Variants in RHOD observed in about 807,000 individuals in gnomAD.
The protein encoded by RHOD is ras homolog family member D.
A neutral mutation model predicts 16.7 loss-of-function variants in RHOD; 11 were observed. That is an observed-to-expected ratio of 0.66 (90% confidence interval 0.41 to 1.09). The LOEUF (loss-of-function observed/expected upper bound fraction) is 1.09, where lower values mean the gene tolerates loss of function less well. Ranked by LOEUF, RHOD falls within the 50% of genes least tolerant of loss-of-function variation. The pLI, the probability that RHOD is intolerant of heterozygous loss-of-function variation, is 0.00. For synonymous variants in RHOD, 124 were observed against 126.3 expected (o/e 0.98, Z 0.12); for missense variants, 271 against 291.7 (o/e 0.93, Z 0.52).
At chr11:67,058,750 C>T (rs1565350210) in intron 1 of RHOD, among the ~76,000 whole-genome samples, 1 of 152,256 alleles carries the variant, frequency 6.6e-6, no homozygotes. Flanking sequence ...ATCTGTCTGC[C>T]TGTCTCCCAC....
At position 67,066,746 on chromosome 11, in the gene RHOD, G is replaced by A. The variant is rs1354842853; in HGVS notation, c.229G>A (p.Asp77Asn). ...ACCTCCACTCTGCCCAGGGCAAGAT[G>A]ACTATGACCGCCTGCGGCCCCTGTT... is the stretch of plus-strand genomic sequence containing the variant. ...LHIWDTAGQD[D>N]YDRLRPLFYP... Residue 77 changes from aspartate to asparagine, a missense_variant, in exon 3 of 5, where the codon GAC becomes AAC. Coordinates refer to ENST00000308831, the MANE Select transcript of RHOD (RefSeq NM_014578.4). 1 of 1,611,658 alleles carries A rather than the reference G, an allele frequency of 6.2e-7. No homozygotes were observed. Among genetic ancestry groups the A allele is most frequent in the Admixed American group, 1.7e-5 (1 of 60,022 alleles).
At chr11:67,066,982 A>G (rs1854966952) in intron 3 of RHOD, 135 bp downstream of exon 3, 3 of 685,930 alleles carry the variant, frequency 4.4e-6, no homozygotes, top group East Asian at 2.7e-5. Flanking sequence ...TGGTGTATAT[A>G]TGGGGAAACT....
At chr11:67,071,342 C>G in intron 4 of RHOD, 93 bp from the exon 5 acceptor site, 1 of 1,316,328 alleles carries the variant, frequency 7.6e-7, no homozygotes, top group Non-Finnish European at 1.0e-6. Context: ...CTCCGCAGAC[C>G]CCACCTTCCA....
Position 67,058,188 on chromosome 11 carries a change from T to C in RHOD, c.132+1154T>C, listed in dbSNP as rs192066233. Among the ~76,000 whole-genome samples, 663 of 152,136 alleles carry C rather than the reference T, an allele frequency of 4.4e-3. 6 individuals are homozygous for C. The highest frequency in any genetic ancestry group is 0.015 in the African/African-American group (630 of 41,510). ...TTTTTAAAATTATTTTATTTTATTT[T>C]ATTTTTGAGACGGAGTCTCGCTCTG... On this transcript the variant is annotated intron_variant, in intron 1 of 4. Coordinates refer to ENST00000308831, the MANE Select transcript of RHOD (RefSeq NM_014578.4).
At chr11:67,070,303 CT>C (rs1197946194) in intron 3 of RHOD, 121 bp from the exon 4 acceptor site, 2 of 1,024,100 alleles carry the variant, frequency 2.0e-6, no homozygotes, top group Admixed American at 3.8e-5. Flanking sequence ...TCCCTAGGTG[CT>C]GGCTTTGCTG....
At chr11:67,067,861 G>A (rs1590672175) in intron 3 of RHOD, among the ~76,000 whole-genome samples, 1 of 152,058 alleles carries the variant, frequency 6.6e-6, no homozygotes, top group South Asian at 2.1e-4. Context: ...GTGCAGTGGC[G>A]CCATCTCGGC....
At chr11:67,062,859 C>G (rs187466782) in intron 1 of RHOD, among the ~76,000 whole-genome samples, 2 of 152,372 alleles carry the variant, frequency 1.3e-5, no homozygotes, top group East Asian at 3.9e-4. Flanking sequence ...AGCGGGCGGC[C>G]CAGCATCCCC....
At chr11:67,071,101 G>A (rs1482378789) in intron 4 of RHOD, among the ~76,000 whole-genome samples, 1 of 152,052 alleles carries the variant, frequency 6.6e-6, no homozygotes, top group East Asian at 1.9e-4. Context: ...AAGTGGTGTG[G>A]TGGCGGGTGC....
At chr11:67,061,755 A>AATATAT (rs1264429454) in intron 1 of RHOD, among the ~76,000 whole-genome samples, 26 of 127,242 alleles carry the variant, frequency 2.0e-4, no homozygotes, top group African/African-American at 8.1e-4. Flanking sequence ...AAAAAAAAAA[A>AATATAT]ATATATATAT....
intron 1 of RHOD, among the ~76,000 whole-genome samples, chr11:67,061,800 ATATGTGTGTGTATATATATATGTG>A (rs1253422496): frequency 6.9e-6 from 1 of 145,292 alleles, no homozygotes; most frequent in Non-Finnish European, 1.5e-5. Flanking sequence ...GTATATATAT[ATATGTGTGTGTATATATATATGTG>A]TGTGTGTGTG....
chr11:67,070,413 G>A lies in RHOD; in HGVS notation c.331-12G>A, dbSNP rs756601550. On this transcript the variant is annotated splice_polypyrimidine_tract_variant and intron_variant, in intron 3 of 4. Coordinates refer to ENST00000308831, the MANE Select transcript of RHOD (RefSeq NM_014578.4). ...ACACATGCCCCCCACATGCCCCCTC[G>A]CCCCCCTGCAGTGGTACCCAGAAGT... 145 of 1,612,622 alleles carry A rather than the reference G, an allele frequency of 9.0e-5. No homozygotes were observed. Among genetic ancestry groups the A allele is most frequent in the South Asian group, 2.3e-4 (21 of 90,994 alleles).
At chr11:67,063,939 C>G (rs1336930538) in intron 1 of RHOD, among the ~76,000 whole-genome samples, 1 of 150,044 alleles carries the variant, frequency 6.7e-6, no homozygotes, top group Non-Finnish European at 1.5e-5. Context: ...AACCCCGTCT[C>G]TACTAAAAAT....
chr11:67,068,739 G>A (rs1259679925), intron 3 of RHOD, among the ~76,000 whole-genome samples: 1 of 151,952 alleles, frequency 6.6e-6, no homozygotes, highest in African/African-American at 2.4e-5. Flanking sequence ...CCCGGGAGGC[G>A]GAGGTTGCAG....
rs995803646 is a variant in RHOD, at chr11:67,070,507, C to A, written c.413C>A (p.Ser138Ter). The part of the protein sequence containing the change: ...GCKTDLRKDK[S>*]LVNKLRRNGL... Reference sequence around the variant, plus strand: ...AAGACTGACCTGCGCAAGGACAAATCACTGGTGAACAAGCTCCGAAGAAAC... The same window carrying A: ...AAGACTGACCTGCGCAAGGACAAATAACTGGTGAACAAGCTCCGAAGAAAC... Residue 138 changes from serine to a stop codon, truncating the protein, a stop_gained, in exon 4 of 5, where the codon TCA becomes TAA. Coordinates refer to ENST00000308831, the MANE Select transcript of RHOD (RefSeq NM_014578.4). LOFTEE classifies it high-confidence loss of function. 6.2e-7 allele frequency: 1 copy of A among 1,614,074 alleles called. No individual in the cohort carries two copies. Among genetic ancestry groups the A allele is most frequent in the Non-Finnish European group, 8.5e-7 (1 of 1,180,014 alleles).
intron 3 of RHOD, among the ~76,000 whole-genome samples, chr11:67,069,449 C>T (rs1471099643): frequency 3.3e-5 from 5 of 152,010 alleles, no homozygotes; most frequent in Non-Finnish European, 5.9e-5. Flanking sequence ...ACCTCCGCCT[C>T]CCAGGTTCAA....
intron 1 of RHOD, among the ~76,000 whole-genome samples, chr11:67,061,868 G>A (rs1854895243): frequency 6.8e-6 from 1 of 147,466 alleles, no homozygotes; most frequent in South Asian, 2.1e-4. Context: ...GCCAGGCGTG[G>A]TGACACACCT....
chr11:67,070,073 G>A (rs1237726731), intron 3 of RHOD, among the ~76,000 whole-genome samples: 3 of 152,154 alleles, frequency 2.0e-5, no homozygotes, highest in Non-Finnish European at 2.9e-5. Flanking sequence ...TTACCCTGCA[G>A]AGAGGAAAGA....
At chr11:67,071,389 T>C (rs759954204) in intron 4 of RHOD, 46 bp from the exon 5 acceptor site, 2 of 1,522,762 alleles carry the variant, frequency 1.3e-6, no homozygotes, top group Non-Finnish European at 1.8e-6. Context: ...ACGTGAGGCC[T>C]GCCCAGTGCC....
At chr11:67,066,967 G>A (rs572025319) in intron 3 of RHOD, 120 bp downstream of exon 3, 6 of 743,612 alleles carry the variant, frequency 8.1e-6, no homozygotes, top group East Asian at 7.6e-5. Flanking sequence ...TGATTCCAGA[G>A]CTTTTGGTGT....
Sources: allele counts gnomAD v4.1 joint callset (sites outside exome capture counted in the v4.1 genomes callset), GRCh38; gene constraint gnomAD v4.1.1; transcripts MANE v1.5; gene names NCBI Gene and HGNC (gene_info 2026-07-23, HGNC 2026-07-21).